Variants in DENND1A observed in about 807,000 individuals in gnomAD.
The protein encoded by DENND1A is DENN domain containing 1A, also known as DENN domain-containing protein 1A.
Under a neutral mutation model 113.7 loss-of-function variants are expected in DENND1A, and 51 were observed. The observed-to-expected ratio is 0.45, with a 90% CI of 0.36 to 0.57. The LOEUF (loss-of-function observed/expected upper bound fraction) is 0.57, where lower values mean the gene tolerates loss of function less well. Among genes scored for constraint, DENND1A ranks in the 20% least tolerant of loss-of-function variants. DENND1A has a pLI of 0.00. For synonymous variants in DENND1A, 565 were observed against 570.8 expected (o/e 0.99, Z 0.14); for missense variants, 1,258 against 1,395.9 (o/e 0.90, Z 1.57).
intron 9 of DENND1A, among the ~76,000 whole-genome samples, chr9:123,637,647 G>T (rs2061773789): frequency 6.6e-6 from 1 of 152,122 alleles, no homozygotes; most frequent in Non-Finnish European, 1.5e-5. Context: ...AGGCTTTCAA[G>T]AAACTATCAA....
intron 2 of DENND1A, among the ~76,000 whole-genome samples, chr9:123,834,713 G>C (rs928125002): frequency 2.0e-5 from 3 of 152,108 alleles, no homozygotes; most frequent in African/African-American, 4.8e-5. Flanking sequence ...AATGATAGAC[G>C]AGCAAGCCAA....
chr9:123,611,929 A>G (rs1451224635), intron 10 of DENND1A, among the ~76,000 whole-genome samples: 1 of 152,228 alleles, frequency 6.6e-6, no homozygotes, highest in East Asian at 1.9e-4. Flanking sequence ...TTCTTCAAGT[A>G]TCTTTAGATA....
intron 13 of DENND1A, among the ~76,000 whole-genome samples, chr9:123,541,788 T>C (rs1167187074): frequency 6.6e-6 from 1 of 152,228 alleles, no homozygotes; most frequent in Non-Finnish European, 1.5e-5. Flanking sequence ...GTACTTCCCA[T>C]CTGCCATCGC....
intron 13 of DENND1A, among the ~76,000 whole-genome samples, chr9:123,516,472 A>G (rs1358728433): frequency 1.3e-5 from 2 of 152,226 alleles, no homozygotes; most frequent in African/African-American, 4.8e-5. Flanking sequence ...CAATGTCACT[A>G]GTAATCAAGG....
intron 12 of DENND1A, among the ~76,000 whole-genome samples, chr9:123,562,246 T>C (rs965696069): frequency 2.6e-5 from 4 of 152,184 alleles, no homozygotes; most frequent in African/African-American, 9.7e-5. Flanking sequence ...TAAACTTGGA[T>C]GTCCAGAAGC....
intron 2 of DENND1A, among the ~76,000 whole-genome samples, chr9:123,796,516 G>C (rs1833779821): frequency 6.6e-6 from 1 of 152,142 alleles, no homozygotes; most frequent in Non-Finnish European, 1.5e-5. Flanking sequence ...AAATCTTTAA[G>C]ATATACCAGA....
chr9:123,386,562 T>C (rs1460269651), intron 22 of DENND1A, among the ~76,000 whole-genome samples: 2 of 152,056 alleles, frequency 1.3e-5, no homozygotes, highest in Non-Finnish European at 2.9e-5. Flanking sequence ...TTGTAGTTTT[T>C]AAGTAATGAT....
At chr9:123,716,396 G>C (rs1027412891) in intron 5 of DENND1A, among the ~76,000 whole-genome samples, 2 of 152,196 alleles carry the variant, frequency 1.3e-5, no homozygotes, top group Non-Finnish European at 2.9e-5. Context: ...AGCTAAAAGA[G>C]TGTTCAAAGC....
intron 19 of DENND1A, among the ~76,000 whole-genome samples, chr9:123,438,609 C>T (rs963592228): frequency 2.0e-5 from 3 of 152,074 alleles, no homozygotes; most frequent in East Asian, 1.9e-4. Flanking sequence ...AAAAATCCTG[C>T]CTTCCTGTAC....
chr9:123,695,300 C>T (rs2065441300), intron 5 of DENND1A, among the ~76,000 whole-genome samples: 1 of 152,136 alleles, frequency 6.6e-6, no homozygotes, highest in Non-Finnish European at 1.5e-5. Flanking sequence ...CAGCACATTA[C>T]TGTTAAAAGT....
chr9:123,637,416 T>C (rs1376286826), intron 9 of DENND1A, among the ~76,000 whole-genome samples: 2 of 152,214 alleles, frequency 1.3e-5, no homozygotes, highest in Non-Finnish European at 2.9e-5. Context: ...CGTAGTATCA[T>C]GGTGCCATGA....
chr9:123,868,181 G>A (rs1846050879), intron 2 of DENND1A, among the ~76,000 whole-genome samples: 1 of 152,164 alleles, frequency 6.6e-6, no homozygotes, highest in Non-Finnish European at 1.5e-5. Flanking sequence ...TCATTGACAC[G>A]ATCAGTAACT....
At chr9:123,853,686 C>T (rs1042673185) in intron 2 of DENND1A, among the ~76,000 whole-genome samples, 1 of 152,068 alleles carries the variant, frequency 6.6e-6, no homozygotes, top group African/African-American at 2.4e-5. Flanking sequence ...AAATTATGAG[C>T]TCTAGCTAGC....
At chr9:123,412,316 C>T (rs1207560704) in intron 19 of DENND1A, among the ~76,000 whole-genome samples, 1 of 152,248 alleles carries the variant, frequency 6.6e-6, no homozygotes, top group African/African-American at 2.4e-5. Context: ...TTGTTTGCCA[C>T]CCACCCTCCG....
chr9:123,870,847 C>T (rs575637396), intron 2 of DENND1A, among the ~76,000 whole-genome samples: 4 of 152,068 alleles, frequency 2.6e-5, no homozygotes, highest in Non-Finnish European at 4.4e-5. Context: ...GAGAATTGTT[C>T]GAGCTTTAAG....
intron 21 of DENND1A, among the ~76,000 whole-genome samples, chr9:123,389,882 C>T (rs538786633): frequency 2.6e-5 from 4 of 152,292 alleles, no homozygotes; most frequent in East Asian, 1.9e-4. Flanking sequence ...GCTGAGCGGC[C>T]GTGCCGAGCT....
intron 19 of DENND1A, among the ~76,000 whole-genome samples, chr9:123,439,175 TG>T (rs1288053337): frequency 6.6e-6 from 1 of 152,244 alleles, no homozygotes; most frequent in African/African-American, 2.4e-5. Flanking sequence ...CAGACACCAG[TG>T]CAATTTGAAA....
At chr9:123,766,655 T>C (rs1296885956) in intron 4 of DENND1A, among the ~76,000 whole-genome samples, 1 of 152,244 alleles carries the variant, frequency 6.6e-6, no homozygotes, top group African/African-American at 2.4e-5. Context: ...TCAGAGAACC[T>C]TGGGCAAGTC....
At chr9:123,715,545 C>T (rs2066916721) in intron 5 of DENND1A, among the ~76,000 whole-genome samples, 1 of 152,162 alleles carries the variant, frequency 6.6e-6, no homozygotes, top group African/African-American at 2.4e-5. Flanking sequence ...TAGCAAACTA[C>T]CTAGAGCTAG....
Sources: gnomAD v4.1 joint callset for allele counts (sites outside exome capture counted in the v4.1 genomes callset) on GRCh38, gnomAD v4.1.1 for gene constraint, MANE v1.5 for transcripts, NCBI Gene and HGNC (gene_info 2026-07-23, HGNC 2026-07-21) for gene names.